KIAA1217: variants seen among roughly 807,000 people sequenced by gnomAD.
The protein encoded by KIAA1217 is sickle tail protein homolog.
In KIAA1217, 88 loss-of-function variants were observed where a neutral mutation model predicts 163.9. The ratio of observed to expected loss-of-function variants is 0.54; its 90% CI spans 0.45 to 0.64. KIAA1217 has a LOEUF of 0.64. Ranked by LOEUF, KIAA1217 falls within the 30% of genes least tolerant of loss-of-function variation. The pLI, the probability that KIAA1217 is intolerant of heterozygous loss-of-function variation, is 0.00. For missense variants in KIAA1217, 2,372 were observed against 2,475.0 expected, an observed-to-expected ratio of 0.96 and a Z score of 0.88; for synonymous variants, 903 against 923.1, an observed-to-expected ratio of 0.98 and a Z score of 0.39.
chr10:24,089,546 A>G (rs868631152), intron 2 of KIAA1217, among the ~76,000 whole-genome samples: 2 of 150,796 alleles, frequency 1.3e-5, no homozygotes, highest in South Asian at 2.1e-4. Context: ...CATTTATTAA[A>G]TAGGGAATCC....
intron 2 of KIAA1217, among the ~76,000 whole-genome samples, chr10:24,162,590 T>C (rs2131889476): frequency 6.6e-6 from 1 of 152,268 alleles, no homozygotes; most frequent in South Asian, 2.1e-4. Flanking sequence ...TTCAAGGAAT[T>C]AAAGCACAAT....
intron 2 of KIAA1217, among the ~76,000 whole-genome samples, chr10:24,302,413 C>G (rs1199362609): frequency 2.0e-5 from 3 of 152,194 alleles, no homozygotes; most frequent in African/African-American, 7.2e-5. Context: ...TAAGTTATTG[C>G]TGTCAGGTGC....
At chr10:23,954,359 G>A (rs1434889378) in intron 1 of KIAA1217, among the ~76,000 whole-genome samples, 1 of 152,038 alleles carries the variant, frequency 6.6e-6, no homozygotes, top group African/African-American at 2.4e-5. Flanking sequence ...GAGCCCAGGA[G>A]TTCAAGACCA....
At chr10:23,997,006 C>T (rs1265343519) in intron 1 of KIAA1217, among the ~76,000 whole-genome samples, 1 of 152,212 alleles carries the variant, frequency 6.6e-6, no homozygotes, top group Non-Finnish European at 1.5e-5. Context: ...ACTGTTACTT[C>T]TTAGAAGCCC....
At chr10:24,344,685 A>C (rs1045517855) in intron 2 of KIAA1217, among the ~76,000 whole-genome samples, 1 of 152,238 alleles carries the variant, frequency 6.6e-6, no homozygotes, top group Non-Finnish European at 1.5e-5. Context: ...TCTGTGCTTA[A>C]ACATGGTCAG....
chr10:24,494,677 A>C, intron 7 of KIAA1217, 73 bp downstream of exon 7: 1 of 1,027,868 alleles, frequency 9.7e-7, no homozygotes, highest in Non-Finnish European at 1.5e-6. Flanking sequence ...TAATTCATTC[A>C]TTCAAATCTG....
In KIAA1217 at chr10:24,546,394, T is replaced by C; in HGVS notation, c.*70T>C. On this transcript the variant is annotated 3_prime_UTR_variant, in exon 21 of 21. Coordinates refer to ENST00000376454, the MANE Select transcript of KIAA1217 (RefSeq NM_019590.5). ...AATTAACAGTCTACAACAACTGTTT[T>C]CACAAGAGAATGTAACATATTGCTG... 7.1e-7 allele frequency: 1 copy of C among 1,415,810 alleles called. No homozygotes were observed. Among genetic ancestry groups the C allele is most frequent in the Non-Finnish European group, 9.6e-7 (1 of 1,046,552 alleles). The allele number at this position is 1,415,810 out of a possible 1,614,324, so 87.7% of individuals were successfully genotyped here.
At chr10:23,800,719 A>C (rs1836428297) in intron 1 of KIAA1217, among the ~76,000 whole-genome samples, 1 of 152,150 alleles carries the variant, frequency 6.6e-6, no homozygotes, top group South Asian at 2.1e-4. Flanking sequence ...CAAACATATG[A>C]AAAAAACCTT....
At chr10:23,842,023 A>G (rs950665794) in intron 1 of KIAA1217, among the ~76,000 whole-genome samples, 2 of 151,938 alleles carry the variant, frequency 1.3e-5, no homozygotes, top group African/African-American at 4.8e-5. Context: ...ACGTGCTACC[A>G]CACTTGGCTA....
At chr10:24,145,686 C>T (rs565529974) in intron 2 of KIAA1217, among the ~76,000 whole-genome samples, 1 of 152,300 alleles carries the variant, frequency 6.6e-6, no homozygotes, top group African/African-American at 2.4e-5. Context: ...GTAGGGAAGC[C>T]AACAATGCAG....
chr10:23,924,383 G>A (rs1028451039), intron 1 of KIAA1217, among the ~76,000 whole-genome samples: 3 of 152,142 alleles, frequency 2.0e-5, no homozygotes, highest in Non-Finnish European at 4.4e-5. Flanking sequence ...TCATGAAAAT[G>A]AGGTGTGGAA....
chr10:24,035,411 C>T (rs1290010439), intron 2 of KIAA1217, among the ~76,000 whole-genome samples: 2 of 152,136 alleles, frequency 1.3e-5, no homozygotes, highest in Non-Finnish European at 2.9e-5. Context: ...CCTTTATACC[C>T]TCAGTTGGAT....
chr10:24,193,782 C>A (rs1427647529), intron 2 of KIAA1217, among the ~76,000 whole-genome samples: 2 of 146,246 alleles, frequency 1.4e-5, no homozygotes, highest in Admixed American at 7.0e-5. Flanking sequence ...TTTGTATGAA[C>A]TCCATCTGCA....
chr10:24,230,093 A>AT (rs963466137), intron 2 of KIAA1217, among the ~76,000 whole-genome samples: 4 of 151,910 alleles, frequency 2.6e-5, no homozygotes, highest in Non-Finnish European at 4.4e-5. Context: ...CATGCTCAGT[A>AT]TTTTTTTTAG....
At chr10:24,335,983 G>C (rs1468866164) in intron 2 of KIAA1217, among the ~76,000 whole-genome samples, 1 of 152,240 alleles carries the variant, frequency 6.6e-6, no homozygotes, top group African/African-American at 2.4e-5. Flanking sequence ...GCTCACGCCT[G>C]TAATCCCAGC....
At chr10:24,487,389 C>T (rs898934692) in intron 6 of KIAA1217, among the ~76,000 whole-genome samples, 3 of 152,218 alleles carry the variant, frequency 2.0e-5, no homozygotes, top group Non-Finnish European at 2.9e-5. Context: ...ATGGTGCTCA[C>T]GCACAAAGTG....
intron 1 of KIAA1217, among the ~76,000 whole-genome samples, chr10:23,752,552 G>T (rs577758503): frequency 6.6e-6 from 1 of 152,078 alleles, no homozygotes; most frequent in African/African-American, 2.4e-5. Flanking sequence ...CACATATAAC[G>T]TTCATTTTTA....
chr10:24,070,666 A>G (rs534568090), intron 2 of KIAA1217, among the ~76,000 whole-genome samples: 112 of 152,342 alleles, frequency 7.4e-4, no homozygotes, highest in African/African-American at 2.6e-3. Context: ...TGATAGTTGT[A>G]ACCTATTTTC....
chr10:23,760,426 T>C (rs976400941), intron 1 of KIAA1217, among the ~76,000 whole-genome samples: 5 of 152,166 alleles, frequency 3.3e-5, no homozygotes, highest in Non-Finnish European at 7.3e-5. Context: ...TGTGACAGCC[T>C]AAGGCTGCAT....
Sources: gnomAD v4.1 joint callset for allele counts (sites outside exome capture counted in the v4.1 genomes callset) on GRCh38, gnomAD v4.1.1 for gene constraint, MANE v1.5 for transcripts, NCBI Gene and HGNC (gene_info 2026-07-23, HGNC 2026-07-21) for gene names.